MASP1: variants seen among roughly 807,000 people sequenced by gnomAD.
MASP1 encodes the protein MBL associated serine protease 1, also known as mannan-binding lectin serine protease 1.
MASP1 carries 59 observed loss-of-function variants against 77.1 expected under a neutral mutation model. That is an observed-to-expected ratio of 0.77 (90% CI 0.62 to 0.95). The LOEUF (loss-of-function observed/expected upper bound fraction) is 0.95, where lower values mean the gene tolerates loss of function less well. MASP1 is among the 40% of genes least tolerant of loss of function. MASP1 has a pLI of 0.00. For missense variants in MASP1, 885 were observed against 912.9 expected, an observed-to-expected ratio of 0.97 and a Z score of 0.39; for synonymous variants, 362 against 354.5, an observed-to-expected ratio of 1.02 and a Z score of -0.24.
intron 2 of MASP1, among the ~76,000 whole-genome samples, chr3:187,270,520 C>T (rs986989729): frequency 6.6e-6 from 1 of 152,146 alleles, no homozygotes; most frequent in Non-Finnish European, 1.5e-5. Context: ...CACCACCATG[C>T]TCCCTGGCTA....
chr3:187,282,900 C>G (rs1395978824), intron 2 of MASP1, among the ~76,000 whole-genome samples: 2 of 152,244 alleles, frequency 1.3e-5, no homozygotes, highest in Non-Finnish European at 2.9e-5. Context: ...TCCCAACTCA[C>G]AGATGCAAGG....
At chr3:187,233,963 G>C (rs1712920026), downstream of MASP1, 2 of 580,274 alleles carry the variant, frequency 3.4e-6, no homozygotes, top group Non-Finnish European at 2.6e-6. Context: ...GATACCAAAA[G>C]TTGTACTTTT....
chr3:187,252,245 C>T (rs889568021), intron 6 of MASP1, among the ~76,000 whole-genome samples: 31 of 152,326 alleles, frequency 2.0e-4, no homozygotes, highest in East Asian at 5.8e-4. Flanking sequence ...CTTTCAGGCA[C>T]GGACTCTGCT....
chr3:187,220,492 C>CTTTTTTTTTTTTTTTTTTTTTT lies in MASP1; in HGVS notation c.1910-232_1910-231insAAAAAAAAAAAAAAAAAAAAAA, dbSNP rs747532550. On this transcript the variant is annotated intron_variant, in intron 15 of 15. Coordinates refer to the MASP1 transcript ENST00000337774. ...TTCTTTTCTTTTCTTTTTCTTTTTTCTTTCTTTTTTTTTTTTTTTTTGAGA... is the reference window on the plus strand; with the variant it reads ...TTCTTTTCTTTTCTTTTTCTTTTTTCTTTTTTTTTTTTTTTTTTTTTTTTTCTTTTTTTTTTTTTTTTTGAGA... Among the ~76,000 whole-genome samples the CTTTTTTTTTTTTTTTTTTTTTT allele has an allele frequency of 3.0e-5, 4 of 134,564 alleles. 1 individual carries two copies. Among genetic ancestry groups the CTTTTTTTTTTTTTTTTTTTTTT allele is most frequent in the Non-Finnish European group, 3.1e-5 (2 of 64,746 alleles). 88.3% of individuals were successfully genotyped at this position (134,564 alleles called of 152,430 possible).
chr3:187,245,308 C>G (rs1409611210), intron 8 of MASP1, among the ~76,000 whole-genome samples: 4 of 152,186 alleles, frequency 2.6e-5, no homozygotes, highest in Non-Finnish European at 5.9e-5. Context: ...TGGTATCACT[C>G]ATCTCCCTTA....
chr3:187,227,567 G>A (rs969797887), intron 11 of MASP1, among the ~76,000 whole-genome samples: 3 of 152,170 alleles, frequency 2.0e-5, no homozygotes, highest in East Asian at 1.9e-4. Flanking sequence ...GTTCAGGGTC[G>A]AGGGCAGAAG....
In MASP1 at chr3:187,236,418, C is replaced by T; in HGVS notation, c.1453G>A (p.Ala485Thr). The change falls in exon 11 of 11, where the codon GCC becomes ACC. Residue 485 changes from alanine to threonine, a missense_variant. Ala to Thr is a moderately conservative substitution (Grantham distance 58). Coordinates refer to ENST00000296280, the MANE Select transcript of MASP1 (RefSeq NM_139125.4). The part of the protein sequence containing the change: ...VPNDKWFGSG[A>T]LLSASWILTA... Reference sequence around the variant, plus strand: ...AGGATCCAGGACGCAGAGAGCAGGGCCCCACTCCCAAACCACTTGTCATTT... The same window carrying T: ...AGGATCCAGGACGCAGAGAGCAGGGTCCCACTCCCAAACCACTTGTCATTT... 6.2e-7 allele frequency: 1 copy of T among 1,614,222 alleles called. No homozygotes were observed. The highest frequency in any genetic ancestry group is 1.1e-5 in the South Asian group (1 of 91,086).
In MASP1 at chr3:187,235,955, C is replaced by T; in HGVS notation, c.1916G>A (p.Gly639Asp). 1 of 1,614,244 alleles carries T rather than the reference C, an allele frequency of 6.2e-7. No homozygotes were observed. Among genetic ancestry groups the T allele is most frequent in the Non-Finnish European group, 8.5e-7 (1 of 1,180,044 alleles). ...CATGTTCTCCGTGACGCTGTAATTG[C>T]CCGAGCGGGACTCATAGCTAGTTTT... Reference protein sequence around the residue: ...ECKTSYESRSGNYSVTENMFC... With the variant: ...ECKTSYESRSDNYSVTENMFC... Residue 639 changes from glycine (G) to aspartate (D), a missense_variant, in exon 11 of 11, where the codon GGC becomes GAC. Gly to Asp is a moderately conservative substitution (Grantham distance 94). Coordinates refer to ENST00000296280, the MANE Select transcript of MASP1 (RefSeq NM_139125.4).
At chr3:187,289,851 C>T (rs1371990998) in intron 1 of MASP1, among the ~76,000 whole-genome samples, 1 of 152,218 alleles carries the variant, frequency 6.6e-6, no homozygotes, top group Admixed American at 6.5e-5. Flanking sequence ...TTTATACCCA[C>T]TACTTATCCA....
At chr3:187,249,395 T>C (rs1668668393) in intron 8 of MASP1, among the ~76,000 whole-genome samples, 1 of 152,138 alleles carries the variant, frequency 6.6e-6, no homozygotes, top group South Asian at 2.1e-4. Flanking sequence ...TAAAGCAAAT[T>C]CTCCCTTCTC....
chr3:187,220,098 G>C (rs1397208626), exon 16 of MASP1: 2 of 1,613,824 alleles, frequency 1.2e-6, no homozygotes, highest in African/African-American at 2.7e-5. Flanking sequence ...TGACCCTCTG[G>C]ATCCAGTCCT....
chr3:187,233,157 G>A (rs928101902), downstream of MASP1, among the ~76,000 whole-genome samples: 1 of 152,086 alleles, frequency 6.6e-6, no homozygotes, highest in African/African-American at 2.4e-5. Context: ...GCCCCTTCCT[G>A]TCCACTTTCC....
rs142681019 is a variant in MASP1 at position 187,259,934 on chromosome 3, G to T, written c.547+807C>A. Among the ~76,000 whole-genome samples, 37 of 152,288 alleles carry T rather than the reference G, an allele frequency of 2.4e-4. 1 individual carries two copies. The East Asian group carries it at 7.1e-3, about 29-fold the overall frequency. On this transcript the variant is annotated intron_variant, in intron 4 of 10. Transcript: ENST00000296280. ...AGTTCTACCACACTTCTGACTGTTT[G>T]CAGAAGCTCTTCTCTCTGCCTGGAA...
In MASP1 at chr3:187,260,735, C is replaced by T. The variant is rs770767772; in HGVS notation, c.547+6G>A. 5 of 1,614,150 alleles carry T rather than the reference C, an allele frequency of 3.1e-6. No homozygotes were observed. Among genetic ancestry groups the T allele is most frequent in the South Asian group, 2.2e-5 (2 of 91,072 alleles). Reference sequence around the variant, plus strand: ...GGCAATGCATACAATCATTGGTAGGCTCTACCTCGGCAGGTCCTGTTGTCT... The same window carrying T: ...GGCAATGCATACAATCATTGGTAGGTTCTACCTCGGCAGGTCCTGTTGTCT... On this transcript the variant is annotated splice_donor_region_variant and intron_variant, in intron 4 of 10. Transcript: ENST00000296280.
chr3:187,246,034 G>A (rs943788181), intron 8 of MASP1, among the ~76,000 whole-genome samples: 2 of 152,060 alleles, frequency 1.3e-5, no homozygotes, highest in African/African-American at 4.8e-5. Context: ...CCCACCCTCC[G>A]AACACCAGCT....
At chr3:187,278,039 A>G (rs992462162) in intron 2 of MASP1, among the ~76,000 whole-genome samples, 2 of 152,222 alleles carry the variant, frequency 1.3e-5, no homozygotes, top group Admixed American at 1.3e-4. Context: ...TGCCTTCATT[A>G]CCACTATAAT....
At chr3:187,241,340 A>T in intron 10 of MASP1, 141 bp downstream of exon 10, 2 of 729,244 alleles carry the variant, frequency 2.7e-6, no homozygotes, top group Non-Finnish European at 5.0e-6. Flanking sequence ...TCTGACCTTT[A>T]ACCTTTTGAA....
chr3:187,236,205 G>T lies in MASP1; in HGVS notation c.1666C>A (p.Leu556Met), dbSNP rs749814050. ...NIQNYNHDIA[L>M]VQLQEPVPLG... ...GGCACAGGCTCCTGCAGCTGCACCAGAGCTATATCGTGGTTGTAGTTTTGG... is the reference window on the plus strand; with the variant it reads ...GGCACAGGCTCCTGCAGCTGCACCATAGCTATATCGTGGTTGTAGTTTTGG... The change falls in exon 11 of 11, where the codon CTG (leucine) becomes ATG (methionine). Residue 556 changes from leucine (L) to methionine (M), a missense_variant. By Grantham distance (15) the Leu-to-Met change is conservative. Transcript: ENST00000296280. The T allele has an allele frequency of 6.2e-7, 1 of 1,614,216 alleles. No individual in the cohort carries two copies. The highest frequency in any genetic ancestry group is 8.5e-7 in the Non-Finnish European group (1 of 1,180,052).
rs1357200656 is a variant in MASP1 at position 187,243,900 on chromosome 3, G to A, written c.1091-279C>T. On this transcript the variant is annotated intron_variant, in intron 8 of 10. Transcript: ENST00000296280. ...TTTGGGTAGGGGAAGGTCTACTGAG[G>A]TTTAAGCAGACTCCAGTCTTTTACC... 8.3e-6 allele frequency: 4 copies of A among 481,682 alleles called. No homozygotes were observed. The East Asian group carries it at 1.2e-4, about 14-fold the overall frequency. The allele number at this position is 481,682 out of a possible 1,614,324, so 29.8% of individuals were successfully genotyped here.
Sources: allele counts gnomAD v4.1 joint callset (sites outside exome capture counted in the v4.1 genomes callset), GRCh38; gene constraint gnomAD v4.1.1; transcripts MANE v1.5; gene names NCBI Gene and HGNC (gene_info 2026-07-23, HGNC 2026-07-21).